PACC1: variants seen among roughly 807,000 people sequenced by gnomAD.
The protein encoded by PACC1 is proton activated chloride channel 1, also known as proton-activated chloride channel.
A neutral mutation model predicts 39.7 loss-of-function variants in PACC1; 34 were observed. The observed-to-expected ratio is 0.86, with a 90% CI of 0.65 to 1.14. The LOEUF (loss-of-function observed/expected upper bound fraction) is 1.14. PACC1 is among the 50% of genes most tolerant of loss of function. The pLI is 0.00. For missense variants in PACC1, 379 were observed against 436.4 expected, an observed-to-expected ratio of 0.87 and a Z score of 1.17; for synonymous variants, 127 against 160.6, an observed-to-expected ratio of 0.79 and a Z score of 1.58.
At chr1:212,400,194 T>C (rs1324981757) in intron 2 of PACC1, among the ~76,000 whole-genome samples, 3 of 152,092 alleles carry the variant, frequency 2.0e-5, no homozygotes, top group Admixed American at 1.3e-4. Flanking sequence ...CTGAACAATA[T>C]AATAAAGACG....
At chr1:212,409,929 T>A (rs1272810201) in intron 2 of PACC1, among the ~76,000 whole-genome samples, 1 of 152,136 alleles carries the variant, frequency 6.6e-6, no homozygotes, top group Non-Finnish European at 1.5e-5. Context: ...AAATGCTGCA[T>A]CACAGAAGCT....
chr1:212,378,460 A>C (rs568710191), intron 5 of PACC1, among the ~76,000 whole-genome samples: 16 of 152,310 alleles, frequency 1.1e-4, no homozygotes, highest in African/African-American at 3.8e-4. Flanking sequence ...GGTGGTGTGG[A>C]ATGGAGGCAG....
chr1:212,413,507 A>G (rs1405642237), intron 1 of PACC1, among the ~76,000 whole-genome samples: 1 of 152,220 alleles, frequency 6.6e-6, no homozygotes, highest in African/African-American at 2.4e-5. Flanking sequence ...ATGGAACTTG[A>G]GGTAGCCCTT....
intron 2 of PACC1, among the ~76,000 whole-genome samples, chr1:212,393,345 A>G (rs1661396993): frequency 1.3e-5 from 2 of 152,248 alleles, no homozygotes; most frequent in Non-Finnish European, 2.9e-5. Flanking sequence ...TACTGGGTAC[A>G]TAAGGAAATG....
At chr1:212,374,204 T>C (rs1042138299) in intron 7 of PACC1, among the ~76,000 whole-genome samples, 2 of 151,954 alleles carry the variant, frequency 1.3e-5, no homozygotes, top group Admixed American at 1.3e-4. Context: ...TGTATATATA[T>C]ATATAAAACA....
chr1:212,386,791 C>G lies in PACC1; in HGVS notation c.343+100G>C. 1.6e-6 allele frequency: 2 copies of G among 1,217,258 alleles called. No individual in the cohort carries two copies. Among genetic ancestry groups the G allele is most frequent in the Non-Finnish European group, 2.4e-6 (2 of 835,938 alleles). The allele number at this position is 1,217,258 out of a possible 1,614,324, so 75.4% of individuals were successfully genotyped here. ...CTATGCTTGGTTGGACTCCTCTGCC[C>G]TGCCCGTAGTACCACAAATACAACG... On this transcript the variant is annotated intron_variant, in intron 3 of 7. Transcript: ENST00000261455. This position sits in a 1 kb window ranked among gnomAD's most constrained non-coding sequence, Gnocchi z 5.0.
chr1:212,411,933 G>A (rs1173658480), intron 1 of PACC1, among the ~76,000 whole-genome samples: 1 of 152,102 alleles, frequency 6.6e-6, no homozygotes, highest in Non-Finnish European at 1.5e-5. Context: ...CTGAGGTCAG[G>A]AGTTCGAGAC....
intron 4 of PACC1, 108 bp downstream of exon 4, chr1:212,385,166 C>A: frequency 7.6e-7 from 1 of 1,312,366 alleles, no homozygotes; most frequent in South Asian, 1.3e-5. Flanking sequence ...TAAGGCCCCA[C>A]ACTGAGTGAG....
chr1:212,390,634 A>G (rs983651879), intron 2 of PACC1, among the ~76,000 whole-genome samples: 9 of 152,088 alleles, frequency 5.9e-5, no homozygotes, highest in African/African-American at 2.2e-4. Context: ...GAGCTGAAGC[A>G]GGGTGAGGCA....
intron 2 of PACC1, among the ~76,000 whole-genome samples, chr1:212,392,433 T>C (rs1406613205): frequency 6.6e-6 from 1 of 152,150 alleles, no homozygotes; most frequent in Non-Finnish European, 1.5e-5. Context: ...AAAGAGCTCC[T>C]GAAGGAAGCA....
Position 212,364,732 on chromosome 1 carries a change from T to C in PACC1, c.*483A>G, listed in dbSNP as rs1404117795. On this transcript the variant is annotated 3_prime_UTR_variant, in exon 8 of 8. Transcript: ENST00000261455. ...GAGGCTGGACATCAATGGCAGATGATGCCAAAGTCATAGGGTTTTGCCTTT... is the reference window on the plus strand; with the variant it reads ...GAGGCTGGACATCAATGGCAGATGACGCCAAAGTCATAGGGTTTTGCCTTT... The C allele has an allele frequency of 6.5e-6, 1 of 152,678 alleles. No homozygotes were observed. The highest frequency in any genetic ancestry group is 6.5e-5 in the Admixed American group (1 of 15,280). The allele number at this position is 152,678 out of a possible 1,614,324, so 9.5% of individuals were successfully genotyped here. A position where few individuals can be genotyped will look rare whatever the true frequency, so the allele number is the denominator to read the frequency against.
At chr1:212,377,927 G>A (rs572124902) in intron 5 of PACC1, among the ~76,000 whole-genome samples, 3 of 152,322 alleles carry the variant, frequency 2.0e-5, no homozygotes, top group African/African-American at 7.2e-5. Flanking sequence ...TGGAGGGGTA[G>A]TCACTGGCCT....
chr1:212,366,613 T>C (rs932833931), intron 7 of PACC1, among the ~76,000 whole-genome samples: 3 of 152,186 alleles, frequency 2.0e-5, no homozygotes, highest in African/African-American at 7.2e-5. Context: ...ATGCATTTCA[T>C]TGTTCACATA....
At chr1:212,379,516 G>A (rs1660797924) in intron 5 of PACC1, among the ~76,000 whole-genome samples, 1 of 152,222 alleles carries the variant, frequency 6.6e-6, no homozygotes, top group Non-Finnish European at 1.5e-5. Context: ...AGGGCAAGAT[G>A]TGGTTCCTGT....
At chr1:212,378,933 T>C (rs1251825907) in intron 5 of PACC1, among the ~76,000 whole-genome samples, 4 of 151,668 alleles carry the variant, frequency 2.6e-5, no homozygotes, top group Non-Finnish European at 5.9e-5. Flanking sequence ...TAAGTATATT[T>C]TCTCTTCCTT....
chr1:212,370,444 G>A (rs796263539), intron 7 of PACC1, among the ~76,000 whole-genome samples: 12 of 152,344 alleles, frequency 7.9e-5, no homozygotes, highest in African/African-American at 2.9e-4. Flanking sequence ...ACTCCAGCCT[G>A]GGCGACAGAA....
rs1238565514 is a variant in PACC1 at position 212,364,460 on chromosome 1, T to C, written c.*755A>G. ...TGCCCGATGATTGAGCAGATATTCA[T>C]ATTGTCACACTCGTTCCTTTTGTAT... On this transcript the variant is annotated 3_prime_UTR_variant, in exon 8 of 8. Transcript: ENST00000261455. The C allele has an allele frequency of 6.6e-6, 1 of 152,490 alleles. No homozygotes were observed. The highest frequency in any genetic ancestry group is 1.5e-5 in the Non-Finnish European group (1 of 68,036). 9.4% of individuals were successfully genotyped at this position (152,490 alleles called of 1,614,324 possible).
chr1:212,377,829 C>T (rs1450337254), intron 5 of PACC1, 123 bp from the exon 6 acceptor site: 2 of 1,128,736 alleles, frequency 1.8e-6, no homozygotes, highest in African/African-American at 1.6e-5. Flanking sequence ...TCCCTGCCTC[C>T]TCTCCAAATT....
intron 6 of PACC1, chr1:212,376,849 G>A (rs1057148008): frequency 5.9e-5 from 9 of 152,236 alleles, no homozygotes; most frequent in Non-Finnish European, 1.3e-4. Flanking sequence ...GTTGACTGGA[G>A]TGTGTCCTTC....
Sources: allele counts gnomAD v4.1 joint callset (sites outside exome capture counted in the v4.1 genomes callset), GRCh38; gene constraint gnomAD v4.1.1; non-coding constraint Gnocchi (gnomAD v3.1); transcripts MANE v1.5; gene names NCBI Gene and HGNC (gene_info 2026-07-23, HGNC 2026-07-21).